Variants in RTN1 observed in about 807,000 individuals in gnomAD.
RTN1 encodes the protein reticulon-1.
Under a neutral mutation model 65.5 loss-of-function variants are expected in RTN1, and 25 were observed. The observed-to-expected ratio is 0.38, with a 90% CI of 0.28 to 0.53. The LOEUF is 0.53. RTN1 is among the 20% of genes least tolerant of loss of function. RTN1 has a pLI of 0.79. For missense variants in RTN1, 983 were observed against 1,025.4 expected, an observed-to-expected ratio of 0.96 and a Z score of 0.57; for synonymous variants, 471 against 447.6, an observed-to-expected ratio of 1.05 and a Z score of -0.66.
At position 59,603,714 on chromosome 14, in the gene RTN1, G is replaced by A. The variant is rs141256140; in HGVS notation, c.2182+138C>T. 11 of 536,962 alleles carry A rather than the reference G, an allele frequency of 2.0e-5. No individual in the cohort carries two copies. The East Asian group carries it at 3.3e-4, about 16-fold the overall frequency. The allele number at this position is 536,962 out of a possible 1,614,324, so 33.3% of individuals were successfully genotyped here. ...CTCTTTAATTGAACTATGATGGTAA[G>A]AGAAGTGCTCTGCACTCAGGGATAT... On this transcript the variant is annotated intron_variant, in intron 6 of 8. Coordinates refer to ENST00000267484, the MANE Select transcript of RTN1 (RefSeq NM_021136.3).
At chr14:59,768,357 T>A (rs1885888768) in intron 1 of RTN1, among the ~76,000 whole-genome samples, 1 of 152,260 alleles carries the variant, frequency 6.6e-6, no homozygotes, top group Admixed American at 6.5e-5. Context: ...AGGAATTTGT[T>A]ATCTTTTAAG....
chr14:59,619,825 A>C (rs1882207069), intron 3 of RTN1, among the ~76,000 whole-genome samples: 1 of 152,180 alleles, frequency 6.6e-6, no homozygotes, highest in Admixed American at 6.5e-5. Context: ...CTGTAGACAT[A>C]ACAAGGAAAT....
chr14:59,689,000 G>T (rs1291978751), intron 3 of RTN1, among the ~76,000 whole-genome samples: 1 of 151,900 alleles, frequency 6.6e-6, no homozygotes, highest in Non-Finnish European at 1.5e-5. Flanking sequence ...GACACGTAAA[G>T]AATTAAAAGC....
intron 3 of RTN1, among the ~76,000 whole-genome samples, chr14:59,614,136 T>A (rs1352571134): frequency 6.6e-6 from 1 of 152,192 alleles, no homozygotes; most frequent in Non-Finnish European, 1.5e-5. Context: ...ATGGGCTGAT[T>A]GGCTTTGGGT....
At chr14:59,685,424 G>A (rs1883826872) in intron 3 of RTN1, among the ~76,000 whole-genome samples, 1 of 152,112 alleles carries the variant, frequency 6.6e-6, no homozygotes, top group Admixed American at 6.5e-5. Context: ...AAAGTCTGAA[G>A]ACTCCACCAA....
chr14:59,747,826 T>C (rs895630249), intron 1 of RTN1, among the ~76,000 whole-genome samples: 2 of 151,896 alleles, frequency 1.3e-5, no homozygotes. Context: ...CACACACATA[T>C]ACACAAACAC....
At chr14:59,756,892 A>G (rs955890706) in intron 1 of RTN1, among the ~76,000 whole-genome samples, 25 of 142,088 alleles carry the variant, frequency 1.8e-4, no homozygotes, top group African/African-American at 6.6e-4. Flanking sequence ...TGGTACCATC[A>G]TGACTCCTGC....
At chr14:59,655,382 GAAAT>G in intron 3 of RTN1, among the ~76,000 whole-genome samples, 1 of 152,296 alleles carries the variant, frequency 6.6e-6, no homozygotes, top group Middle Eastern at 3.4e-3. Flanking sequence ...CAGTATTCCT[GAAAT>G]AAATCTGTAG....
chr14:59,733,116 G>A (rs187071048), intron 2 of RTN1, among the ~76,000 whole-genome samples: 212 of 150,910 alleles, frequency 1.4e-3, no homozygotes, highest in Middle Eastern at 3.4e-3. Context: ...TTTTGAGGCA[G>A]AGTCTCGCTT....
At chr14:59,845,981 T>C (rs1222624348) in intron 1 of RTN1, among the ~76,000 whole-genome samples, 2 of 152,204 alleles carry the variant, frequency 1.3e-5, no homozygotes, top group Admixed American at 1.3e-4. Context: ...CAGCAGAAGC[T>C]TGAACTCTAA....
intron 1 of RTN1, among the ~76,000 whole-genome samples, chr14:59,785,201 C>G (rs931163630): frequency 6.6e-6 from 1 of 152,168 alleles, no homozygotes; most frequent in Non-Finnish European, 1.5e-5. Context: ...GCAGGTATCA[C>G]CTTGGACACC....
intron 1 of RTN1, among the ~76,000 whole-genome samples, chr14:59,753,613 G>A (rs1885575357): frequency 6.6e-6 from 1 of 152,146 alleles, no homozygotes; most frequent in Admixed American, 6.5e-5. Flanking sequence ...TAAACAGAAA[G>A]TCCTCCTAGA....
intron 3 of RTN1, among the ~76,000 whole-genome samples, chr14:59,663,341 G>A (rs1296434835): frequency 4.0e-5 from 6 of 151,844 alleles, no homozygotes; most frequent in Non-Finnish European, 8.8e-5. Flanking sequence ...CATAGGCTTG[G>A]GCAAAGACTT....
intron 3 of RTN1, among the ~76,000 whole-genome samples, chr14:59,659,718 C>G (rs949359440): frequency 1.5e-4 from 23 of 152,326 alleles, no homozygotes; most frequent in Admixed American, 1.4e-3. Context: ...CCAGGCCTGC[C>G]TGACAACAGC....
At chr14:59,819,394 G>A in intron 1 of RTN1, among the ~76,000 whole-genome samples, 1 of 101,604 alleles carries the variant, frequency 9.8e-6, no homozygotes, top group African/African-American at 4.2e-5. Context: ...AGAGCTGATT[G>A]GTGCATCCAC....
intron 1 of RTN1, among the ~76,000 whole-genome samples, chr14:59,749,655 A>ATC: frequency 2.9e-5 from 1 of 34,652 alleles, no homozygotes; most frequent in Non-Finnish European, 4.5e-5. Flanking sequence ...ATATTTATAT[A>ATC]GATATCTATA....
rs1226844053 is a variant in RTN1, at chr14:59,718,770, TTTGGGGTATTTTTCCCCATTGTAAA to T, written c.1765+8124_1765+8148del. ...AATGACTAATGAAGCAGCATCAAAG[TTTGGGGTATTTTTCCCCATTGTAAA>T]TATTTTTGCATCTCTTTGTAATCAT... On this transcript the variant is annotated intron_variant, in intron 3 of 8. Transcript: ENST00000267484. Among the ~76,000 whole-genome samples the T allele has an allele frequency of 7.2e-5, 11 of 152,320 alleles. 1 individual carries two copies. Among genetic ancestry groups the T allele is most frequent in the Admixed American group, 2.0e-4 (3 of 15,302 alleles).
At chr14:59,869,546 G>A (rs1040852910) in intron 1 of RTN1, among the ~76,000 whole-genome samples, 3 of 134,108 alleles carry the variant, frequency 2.2e-5, no homozygotes, top group Non-Finnish European at 4.7e-5. Flanking sequence ...GGCGTCAGGC[G>A]AAGAATGGCC....
rs369446981 is a variant in RTN1 at position 59,861,291 on chromosome 14, C to T, written c.241+9099G>A. ...TGATGGTATTATAAGGGGGATTTTC[C>T]CTGCCCAATCTCTCTCTTTGCCTGC... is the stretch of plus-strand genomic sequence containing the variant. On this transcript the variant is annotated intron_variant, in intron 1 of 8. Coordinates refer to ENST00000267484, the MANE Select transcript of RTN1 (RefSeq NM_021136.3). Among the ~76,000 whole-genome samples, 22 of 152,138 alleles carry T rather than the reference C, an allele frequency of 1.4e-4. 1 individual carries two copies. Among genetic ancestry groups the T allele is most frequent in the Non-Finnish European group, 2.6e-4 (18 of 68,030 alleles).
Sources: allele counts gnomAD v4.1 joint callset (sites outside exome capture counted in the v4.1 genomes callset), GRCh38; gene constraint gnomAD v4.1.1; transcripts MANE v1.5; gene names NCBI Gene and HGNC (gene_info 2026-07-23, HGNC 2026-07-21).